The following ZNF398 variants were observed in gnomAD, a reference collection of about 807,000 sequenced individuals.
ZNF398 encodes zinc finger protein 398.
In ZNF398, 18 loss-of-function variants were observed where a neutral mutation model predicts 41.9. The ratio of observed to expected loss-of-function variants is 0.43; its 90% CI spans 0.30 to 0.64. ZNF398 has a LOEUF of 0.64. Ranked by LOEUF, ZNF398 falls within the 30% of genes least tolerant of loss-of-function variation. The pLI is 0.14. For missense variants in ZNF398, 669 were observed against 822.8 expected (o/e 0.81, Z 2.29); for synonymous variants, 260 against 308.8 (o/e 0.84, Z 1.66).
chr7:149,127,624 G>A (rs1310698553), intron 1 of ZNF398, among the ~76,000 whole-genome samples: 1 of 151,318 alleles, frequency 6.6e-6, no homozygotes, highest in Non-Finnish European at 1.5e-5. Context: ...GGCTGAGTCG[G>A]GAGAGTGGCG....
chr7:149,165,130 G>T (rs1332493498), intron 2 of ZNF398, among the ~76,000 whole-genome samples: 1 of 151,676 alleles, frequency 6.6e-6, no homozygotes, highest in Non-Finnish European at 1.5e-5. Flanking sequence ...AAAATGCAGA[G>T]GAAGAAAAAA....
At chr7:149,144,667 C>A (rs1826896136), upstream of ZNF398, among the ~76,000 whole-genome samples, 1 of 151,842 alleles carries the variant, frequency 6.6e-6, no homozygotes, top group Non-Finnish European at 1.5e-5. Context: ...CCGCTCACTG[C>A]AACCTCCTCC....
chr7:149,132,045 T>C (rs1344629293), intron 2 of ZNF398, among the ~76,000 whole-genome samples: 1 of 152,184 alleles, frequency 6.6e-6, no homozygotes, highest in Non-Finnish European at 1.5e-5. Flanking sequence ...TGATGAATCT[T>C]ACATTTGCAA....
chr7:149,179,329 C>T lies in ZNF398; in HGVS notation c.1457C>T (p.Pro486Leu). 6.2e-7 allele frequency: 1 copy of T among 1,613,382 alleles called. No individual in the cohort carries two copies. Among genetic ancestry groups the T allele is most frequent in the Non-Finnish European group, 8.5e-7 (1 of 1,180,012 alleles). The change falls in exon 6 of 6, where the codon CCT (proline) becomes CTT (leucine). Residue 486 changes from proline (P) to leucine (L), a missense_variant. Physicochemically the swap from Pro to Leu is moderately conservative, Grantham distance 98. Transcript: ENST00000475153. This position sits in a 1 kb window ranked among gnomAD's most constrained non-coding sequence, Gnocchi z 6.1. The part of the protein sequence containing the change: ...GHAQERPFSC[P>L]QCGIDFNGHS... The stretch of plus-strand genomic sequence containing the variant: ...GCACAAGAGCGCCCTTTCTCCTGCC[C>T]TCAGTGTGGCATTGACTTCAACGGC...
intron 1 of ZNF398, among the ~76,000 whole-genome samples, chr7:149,151,998 C>T (rs975580703): frequency 1.5e-4 from 23 of 151,682 alleles, no homozygotes; most frequent in Non-Finnish European, 2.9e-4. Flanking sequence ...TTTGGGAGGC[C>T]GAGGAGGGCG....
chr7:149,178,157 T>C (rs1212484030), intron 5 of ZNF398, among the ~76,000 whole-genome samples: 4 of 152,008 alleles, frequency 2.6e-5, no homozygotes, highest in Admixed American at 6.6e-5. Context: ...TTGGGCGTAG[T>C]GGCGGGTGCC....
rs1322720575 is a variant in ZNF398, at chr7:149,179,578, G to C, written c.1706G>C (p.Cys569Ser). Residue 569 changes from cysteine (C) to serine (S), a missense_variant, in exon 6 of 6, where the codon TGC (cysteine) becomes TCC (serine). Coordinates refer to ENST00000475153, the MANE Select transcript of ZNF398 (RefSeq NM_170686.3). The surrounding 1 kb of genome is among the most constrained non-coding windows in gnomAD (Gnocchi z 6.1). ...RIHTGERPYP[C>S]SYCGRSFRYK... ...CACACCGGGGAGCGGCCCTACCCCT[G>C]CTCCTACTGTGGCAGGAGCTTCCGC... 6.8e-6 allele frequency: 11 copies of C among 1,614,226 alleles called. No individual in the cohort carries two copies. The highest frequency in any genetic ancestry group is 9.3e-6 in the Non-Finnish European group (11 of 1,180,046).
upstream of ZNF398, among the ~76,000 whole-genome samples, chr7:149,145,048 T>A (rs78943464): frequency 7.6e-4 from 115 of 152,298 alleles, no homozygotes; most frequent in African/African-American, 2.5e-3. Flanking sequence ...TATATTCAGG[T>A]AAATCCCAAA....
intron 2 of ZNF398, among the ~76,000 whole-genome samples, chr7:149,133,927 T>C (rs1826659534): frequency 6.8e-6 from 1 of 147,948 alleles, no homozygotes; most frequent in South Asian, 2.1e-4. Flanking sequence ...AATTTTGTAT[T>C]TTTAGTAGAG....
upstream of ZNF398, among the ~76,000 whole-genome samples, chr7:149,142,825 G>GA: frequency 6.6e-6 from 1 of 152,112 alleles, no homozygotes; most frequent in Non-Finnish European, 1.5e-5. Flanking sequence ...CTGACTTTGA[G>GA]AAAAATTTGT....
At chr7:149,133,687 ATG>A (rs56758859) in intron 2 of ZNF398, among the ~76,000 whole-genome samples, 1 of 62,662 alleles carries the variant, frequency 1.6e-5, no homozygotes, top group Non-Finnish European at 2.9e-5. Context: ...ATACATATAT[ATG>A]TGTGTATATA....
intron 2 of ZNF398, among the ~76,000 whole-genome samples, chr7:149,155,698 TATA>T (rs1219821281): frequency 5.8e-4 from 20 of 34,692 alleles, no homozygotes; most frequent in African/African-American, 7.4e-4. Context: ...TATATATATA[TATA>T]TATATATTTT....
Position 149,147,762 on chromosome 7 carries a change from C to A in ZNF398, c.20C>A (p.Ala7Asp). 1.4e-6 allele frequency: 2 copies of A among 1,388,852 alleles called. No homozygotes were observed. The highest frequency in any genetic ancestry group is 3.3e-5 in the Admixed American group (1 of 30,572). The allele number at this position is 1,388,852 out of a possible 1,614,324, so 86.0% of individuals were successfully genotyped here. A position where few individuals can be genotyped will look rare whatever the true frequency, so the allele number is the denominator to read the frequency against. Residue 7 changes from alanine to aspartate, a missense_variant, in exon 1 of 6, where the codon GCC becomes GAC. By Grantham distance (126) the Ala-to-Asp change is moderately radical (BLOSUM62 -2). Coordinates refer to ENST00000475153, the MANE Select transcript of ZNF398 (RefSeq NM_170686.3). This position sits in a 1 kb window ranked among gnomAD's most constrained non-coding sequence, Gnocchi z 5.6. MAEAAP[A>D]PTSEWDSECL... The stretch of plus-strand genomic sequence containing the variant: ...AGGGCCATGGCTGAGGCGGCCCCGG[C>A]CCCGGTAAGGGCGGCCGCGCGCGAG...
rs769267456 is a variant in ZNF398 at position 149,166,907 on chromosome 7, A to C, written c.638A>C (p.Glu213Ala). 5 of 1,611,784 alleles carry C rather than the reference A, an allele frequency of 3.1e-6. No homozygotes were observed. The Admixed American group carries it at 6.7e-5, about 22-fold the overall frequency. Residue 213 changes from glutamate to alanine, a missense_variant, in exon 4 of 6, where the codon GAG becomes GCG. By Grantham distance (107) the Glu-to-Ala change is moderately radical. Around this residue, in one of 3 missense-constraint regions of ZNF398, gnomAD observed 290 missense variants for 292.9 expected, o/e 0.99. Transcript: ENST00000475153. ...GACCAGGCAGGGCCAGAGGAAAGTG[A>C]GATTCCCACAGACCCCAGTGAAGGT... Reference protein sequence around the residue: ...TEDQAGPEESEIPTDPSEEPG... With the variant: ...TEDQAGPEESAIPTDPSEEPG...
intron 2 of ZNF398, among the ~76,000 whole-genome samples, chr7:149,139,668 C>T (rs1173950295): frequency 3.3e-5 from 5 of 150,382 alleles, no homozygotes; most frequent in East Asian, 2.0e-4. Flanking sequence ...TTGCAGTGAG[C>T]GAGATCAGCC....
intron 2 of ZNF398, among the ~76,000 whole-genome samples, chr7:149,138,213 G>GA (rs1287657372): frequency 1.2e-3 from 139 of 120,344 alleles, no homozygotes; most frequent in Middle Eastern, 8.4e-3. Context: ...AAAAAAAAAA[G>GA]AAAAAAAAAA....
intron 2 of ZNF398, among the ~76,000 whole-genome samples, chr7:149,131,401 G>T (rs995753519): frequency 6.6e-6 from 1 of 152,052 alleles, no homozygotes; most frequent in Non-Finnish European, 1.5e-5. Context: ...TAACATATTA[G>T]AACAGGCTGG....
At chr7:149,152,235 T>C (rs1274672699) in intron 1 of ZNF398, among the ~76,000 whole-genome samples, 1 of 149,654 alleles carries the variant, frequency 6.7e-6, no homozygotes, top group African/African-American at 2.4e-5. Context: ...AATTAATTAA[T>C]TAATAATGTG....
Position 149,152,513 on chromosome 7 carries a change from C to A in ZNF398, c.25-1432C>A, listed in dbSNP as rs186049150. Among the ~76,000 whole-genome samples, 395 of 151,826 alleles carry A rather than the reference C, an allele frequency of 2.6e-3. 2 individuals carry two copies. Among genetic ancestry groups the A allele is most frequent in the African/African-American group, 8.8e-3 (365 of 41,438 alleles). ...CTGACCTCGTGATCCACCCCCTCGG[C>A]CTCCCAAAGTGTTAGGATTGCAGGC... On this transcript the variant is annotated intron_variant, in intron 1 of 5. Transcript: ENST00000475153.
Sources: allele counts gnomAD v4.1 joint callset (sites outside exome capture counted in the v4.1 genomes callset), GRCh38; gene constraint gnomAD v4.1.1; regional missense constraint gnomAD v4.1.1; non-coding constraint Gnocchi (gnomAD v3.1); transcripts MANE v1.5; gene names NCBI Gene and HGNC (gene_info 2026-07-23, HGNC 2026-07-21).